Variants in MARCHF1 observed in about 807,000 individuals in gnomAD.
MARCHF1 encodes the protein E3 ubiquitin-protein ligase MARCHF1.
A neutral mutation model predicts 54.2 loss-of-function variants in MARCHF1; 40 were observed. That is an observed-to-expected ratio of 0.74 (90% CI 0.57 to 0.96). MARCHF1 has a LOEUF of 0.96. MARCHF1 is among the 40% of genes least tolerant of loss of function. The pLI, the probability that MARCHF1 is intolerant of heterozygous loss-of-function variation, is 0.00. For synonymous variants in MARCHF1, 236 were observed against 236.3 expected (o/e 1.00, Z 0.01); for missense variants, 586 against 656.5 (o/e 0.89, Z 1.17).
intron 3 of MARCHF1, among the ~76,000 whole-genome samples, chr4:163,927,649 TTTA>T (rs1751565039): frequency 6.6e-6 from 1 of 151,748 alleles, no homozygotes; most frequent in South Asian, 2.1e-4. Flanking sequence ...GCAGAGTAAT[TTTA>T]GAGTAAACTA....
At chr4:164,160,096 G>A (rs955545024) in intron 1 of MARCHF1, among the ~76,000 whole-genome samples, 8 of 152,130 alleles carry the variant, frequency 5.3e-5, no homozygotes, top group African/African-American at 1.7e-4. Context: ...TTTATTAGCT[G>A]CCCTAATTAT....
chr4:163,602,983 T>C (rs2110893203), intron 7 of MARCHF1, among the ~76,000 whole-genome samples: 1 of 152,210 alleles, frequency 6.6e-6, no homozygotes, highest in East Asian at 1.9e-4. Context: ...TTAGAGACTC[T>C]GAAAAGAATG....
intron 1 of MARCHF1, among the ~76,000 whole-genome samples, chr4:164,328,024 C>T (rs1028735436): frequency 1.3e-5 from 2 of 152,158 alleles, no homozygotes; most frequent in African/African-American, 4.8e-5. Flanking sequence ...CGTGTGCCAT[C>T]AGAACCTGGG....
chr4:164,376,032 G>A (rs1005138565), intron 1 of MARCHF1, among the ~76,000 whole-genome samples: 1 of 152,110 alleles, frequency 6.6e-6, no homozygotes, highest in Admixed American at 6.5e-5. Context: ...GCACTGGCTT[G>A]TGTGATTATT....
intron 2 of MARCHF1, among the ~76,000 whole-genome samples, chr4:164,081,075 G>A (rs926343154): frequency 1.4e-5 from 2 of 147,580 alleles, no homozygotes; most frequent in Non-Finnish European, 3.0e-5. Flanking sequence ...GGGAGCGGTG[G>A]CGGGCTCCTG....
chr4:164,226,392 A>G (rs1315955390), intron 1 of MARCHF1, among the ~76,000 whole-genome samples: 1 of 151,850 alleles, frequency 6.6e-6, no homozygotes, highest in Non-Finnish European at 1.5e-5. Flanking sequence ...AAAAATAAGT[A>G]AATGAACAAA....
chr4:164,045,617 G>C (rs991942652), intron 2 of MARCHF1, among the ~76,000 whole-genome samples: 16 of 149,404 alleles, frequency 1.1e-4, no homozygotes, highest in South Asian at 4.2e-4. Context: ...GTTTTTGTTT[G>C]TTTGTTTGTT....
At chr4:164,223,452 G>C (rs772944187) in intron 1 of MARCHF1, among the ~76,000 whole-genome samples, 1 of 151,864 alleles carries the variant, frequency 6.6e-6, no homozygotes, top group Non-Finnish European at 1.5e-5. Flanking sequence ...TGAATAATGG[G>C]TGCAATAACA....
At chr4:163,753,986 A>T (rs979540357) in intron 4 of MARCHF1, among the ~76,000 whole-genome samples, 3 of 152,176 alleles carry the variant, frequency 2.0e-5, no homozygotes, top group Non-Finnish European at 4.4e-5. Flanking sequence ...GAAATAACTA[A>T]ATGTTTCAGT....
At chr4:164,087,514 A>T (rs1436107844) in intron 2 of MARCHF1, among the ~76,000 whole-genome samples, 1 of 152,206 alleles carries the variant, frequency 6.6e-6, no homozygotes, top group Admixed American at 6.5e-5. Flanking sequence ...TCAGGTAAAT[A>T]GATTAGAGTA....
At chr4:163,692,872 A>G (rs1032071774) in intron 5 of MARCHF1, among the ~76,000 whole-genome samples, 1 of 151,354 alleles carries the variant, frequency 6.6e-6, no homozygotes, top group Non-Finnish European at 1.5e-5. Flanking sequence ...GCGGTATGTA[A>G]TATCTTTACT....
At chr4:163,582,464 C>T (rs988068311) in intron 8 of MARCHF1, among the ~76,000 whole-genome samples, 1 of 152,142 alleles carries the variant, frequency 6.6e-6, no homozygotes, top group African/African-American at 2.4e-5. Context: ...TAACATTTTG[C>T]TGATATCTTT....
intron 4 of MARCHF1, among the ~76,000 whole-genome samples, chr4:163,840,566 C>T (rs1565842): frequency 0.86 from 131,311 of 151,910 alleles, 56,964 homozygotes; most frequent in East Asian, 0.91. Context: ...AACGAGAAGG[C>T]AGAATAAAAG....
intron 4 of MARCHF1, among the ~76,000 whole-genome samples, chr4:163,701,549 T>G (rs1744809146): frequency 6.6e-6 from 1 of 152,200 alleles, no homozygotes; most frequent in Non-Finnish European, 1.5e-5. Flanking sequence ...GAAATGGACC[T>G]TAAGTAGTTG....
At position 163,748,426 on chromosome 4, in the gene MARCHF1, T is replaced by C. The variant is rs983379771; in HGVS notation, c.112-47563A>G. ...TCTACCAAAAAAAAAAAAAAAAAGATCCCACAAGCTCGCTGGCATAATTAA... is the reference window on the plus strand; with the variant it reads ...TCTACCAAAAAAAAAAAAAAAAAGACCCCACAAGCTCGCTGGCATAATTAA... On this transcript the variant is annotated intron_variant, in intron 4 of 9. Coordinates refer to ENST00000514618, the MANE Select transcript of MARCHF1 (RefSeq NM_001394959.1). Among the ~76,000 whole-genome samples the C allele has an allele frequency of 2.0e-3, 287 of 145,508 alleles. 1 individual carries two copies. Among genetic ancestry groups the C allele is most frequent in the African/African-American group, 6.8e-3 (269 of 39,678 alleles).
chr4:164,328,151 T>G (rs1224704827), intron 1 of MARCHF1, among the ~76,000 whole-genome samples: 1 of 152,220 alleles, frequency 6.6e-6, no homozygotes, highest in East Asian at 1.9e-4. Context: ...ATTCTAAAAT[T>G]AGTTTTAGAC....
intron 1 of MARCHF1, among the ~76,000 whole-genome samples, chr4:164,350,444 T>C (rs1225878684): frequency 1.3e-5 from 2 of 152,188 alleles, no homozygotes; most frequent in Non-Finnish European, 2.9e-5. Flanking sequence ...TATGACACCA[T>C]AGGATGAATA....
chr4:164,019,327 T>A (rs1484445456), intron 2 of MARCHF1, among the ~76,000 whole-genome samples: 2 of 152,212 alleles, frequency 1.3e-5, no homozygotes, highest in Non-Finnish European at 2.9e-5. Flanking sequence ...TGTCTCGCTA[T>A]CCCTTTTTGG....
chr4:164,060,723 G>A (rs1319258560), intron 2 of MARCHF1, among the ~76,000 whole-genome samples: 1 of 152,098 alleles, frequency 6.6e-6, no homozygotes, highest in Non-Finnish European at 1.5e-5. Flanking sequence ...GTTACAAGGA[G>A]ACATATTTTC....
Sources: allele counts gnomAD v4.1 joint callset (sites outside exome capture counted in the v4.1 genomes callset), GRCh38; gene constraint gnomAD v4.1.1; transcripts MANE v1.5; gene names NCBI Gene and HGNC (gene_info 2026-07-23, HGNC 2026-07-21).